GLIS1: variants seen among roughly 807,000 people sequenced by gnomAD.
GLIS1 encodes the protein GLIS family zinc finger 1.
In GLIS1, 24 loss-of-function variants were observed where a neutral mutation model predicts 63.8. The ratio of observed to expected loss-of-function variants is 0.38; its 90% CI spans 0.27 to 0.53. The LOEUF is 0.53. Ranked by LOEUF, GLIS1 falls within the 20% of genes least tolerant of loss-of-function variation. GLIS1 has a pLI of 0.85. For missense variants in GLIS1, 1,036 were observed against 1,074.1 expected, an observed-to-expected ratio of 0.96 and a Z score of 0.50; for synonymous variants, 450 against 482.5, an observed-to-expected ratio of 0.93 and a Z score of 0.88.
intron 2 of GLIS1, among the ~76,000 whole-genome samples, chr1:53,695,099 G>T (rs1262112898): frequency 6.6e-6 from 1 of 151,824 alleles, no homozygotes; most frequent in Admixed American, 6.6e-5. Context: ...AAAGCCCTGT[G>T]TGTGTAACGA....
chr1:53,652,293 G>A (rs1271510195), intron 2 of GLIS1, among the ~76,000 whole-genome samples: 2 of 152,106 alleles, frequency 1.3e-5, no homozygotes. Flanking sequence ...AGTTGGCCGC[G>A]GCTCTCAGTG....
At chr1:53,673,647 CAG>C (rs1646179434) in intron 2 of GLIS1, among the ~76,000 whole-genome samples, 1 of 152,248 alleles carries the variant, frequency 6.6e-6, no homozygotes, top group African/African-American at 2.4e-5. Context: ...GGGCCTGAGA[CAG>C]AACAGCACTG....
In GLIS1 at chr1:53,639,041, C is replaced by G. The variant is rs1645757392; in HGVS notation, c.260-38763G>C. Among the ~76,000 whole-genome samples, 2 of 152,270 alleles carry G rather than the reference C, an allele frequency of 1.3e-5. No homozygotes were observed. The highest frequency in any genetic ancestry group is 4.1e-4 in the South Asian group (2 of 4,824). ...TTCTCAGAGTGGTTGACAGCACCGG[C>G]CCCTGAATCAAAGGATTGAAACTAG... is the stretch of plus-strand genomic sequence containing the variant. On this transcript the variant is annotated intron_variant, in intron 2 of 10. Coordinates refer to ENST00000628545, the MANE Select transcript of GLIS1 (RefSeq NM_001367484.1). This position sits in a 1 kb window ranked among gnomAD's most constrained non-coding sequence, Gnocchi z 4.6.
intron 2 of GLIS1, among the ~76,000 whole-genome samples, chr1:53,613,671 G>T (rs1337728960): frequency 6.6e-6 from 1 of 150,750 alleles, no homozygotes; most frequent in African/African-American, 2.4e-5. Context: ...TTCAGTTAAT[G>T]TGTGGGAAAA....
Position 53,703,200 on chromosome 1 carries a change from C to T in GLIS1, c.259+34606G>A, listed in dbSNP as rs561598005. ...TTCTATGCATTTTCTATGTGTTAAC[C>T]CCACTTTATTTTCACCACCACTCTA... On this transcript the variant is annotated intron_variant, in intron 2 of 10. Coordinates refer to ENST00000628545, the MANE Select transcript of GLIS1 (RefSeq NM_001367484.1). Among the ~76,000 whole-genome samples, 10 of 152,276 alleles carry T rather than the reference C, an allele frequency of 6.6e-5. No individual in the cohort carries two copies. In the South Asian group the frequency reaches 1.2e-3, roughly 19 times the overall value.
At chr1:53,738,508 C>G (rs1056505622) in intron 1 of GLIS1, among the ~76,000 whole-genome samples, 1 of 152,156 alleles carries the variant, frequency 6.6e-6, no homozygotes, top group Admixed American at 6.5e-5. Flanking sequence ...AGGGCTCGGG[C>G]GAAGCCCCGG....
chr1:53,630,286 A>C (rs1436460763), intron 2 of GLIS1, among the ~76,000 whole-genome samples: 1 of 152,132 alleles, frequency 6.6e-6, no homozygotes, highest in East Asian at 1.9e-4. Context: ...TTTTTTTGCC[A>C]TTATAAATAA....
intron 4 of GLIS1, among the ~76,000 whole-genome samples, chr1:53,547,158 A>C (rs1381907633): frequency 6.6e-6 from 1 of 152,222 alleles, no homozygotes; most frequent in Non-Finnish European, 1.5e-5. Flanking sequence ...TCTGAGTTGA[A>C]AGGGATGTTA....
intron 2 of GLIS1, among the ~76,000 whole-genome samples, chr1:53,619,811 C>T (rs1345741872): frequency 6.6e-6 from 1 of 152,206 alleles, no homozygotes; most frequent in Non-Finnish European, 1.5e-5. Flanking sequence ...AAAAGATAAT[C>T]TTGTTTTACA....
At chr1:53,642,589 C>A (rs1488845713) in intron 2 of GLIS1, among the ~76,000 whole-genome samples, 1 of 152,194 alleles carries the variant, frequency 6.6e-6, no homozygotes, top group Non-Finnish European at 1.5e-5. Flanking sequence ...GCTACCTCCT[C>A]CAGGAAGCCT....
At chr1:53,700,796 C>T (rs1646515580) in intron 2 of GLIS1, among the ~76,000 whole-genome samples, 2 of 152,182 alleles carry the variant, frequency 1.3e-5, no homozygotes, top group African/African-American at 4.8e-5. Context: ...TCCTCCCAGC[C>T]CCTGGCAACA....
chr1:53,564,415 C>T (rs1432817028), intron 4 of GLIS1, among the ~76,000 whole-genome samples: 1 of 151,526 alleles, frequency 6.6e-6, no homozygotes, highest in East Asian at 1.9e-4. Context: ...AACATGGAAG[C>T]AAAAAAGGAA....
intron 2 of GLIS1, among the ~76,000 whole-genome samples, chr1:53,641,131 G>A (rs1288838047): frequency 6.6e-6 from 1 of 152,112 alleles, no homozygotes; most frequent in East Asian, 1.9e-4. Flanking sequence ...GGGACCACGG[G>A]GCAGGGTCTG....
intron 9 of GLIS1, 38 bp downstream of exon 9, chr1:53,509,811 G>A (rs752344408): frequency 8.2e-7 from 1 of 1,221,410 alleles, no homozygotes; most frequent in African/African-American, 1.5e-5. Context: ...AGTGGGAATT[G>A]GGGGGTTATA....
intron 5 of GLIS1, among the ~76,000 whole-genome samples, chr1:53,529,434 C>G (rs1054566111): frequency 1.3e-5 from 2 of 152,212 alleles, no homozygotes; most frequent in African/African-American, 4.8e-5. Context: ...CGAATGTGCT[C>G]TCTCCATGAG....
intron 4 of GLIS1, among the ~76,000 whole-genome samples, chr1:53,571,331 G>A (rs1452041177): frequency 2.6e-5 from 4 of 152,166 alleles, no homozygotes. Flanking sequence ...AAACAAGCCG[G>A]CATTTTCATA....
chr1:53,571,000 C>T (rs1200830774), intron 4 of GLIS1, among the ~76,000 whole-genome samples: 1 of 151,970 alleles, frequency 6.6e-6, no homozygotes, highest in African/African-American at 2.4e-5. Flanking sequence ...AAAAAAAATA[C>T]CATCAGGAAA....
intron 3 of GLIS1, 22 bp from the exon 4 acceptor site, chr1:53,595,012 G>C: frequency 2.1e-6 from 3 of 1,407,678 alleles, no homozygotes; most frequent in Non-Finnish European, 2.8e-6. Flanking sequence ...TGCCCAGAGA[G>C]GTCATGAGAG....
At chr1:53,586,723 C>T (rs1391566941) in intron 4 of GLIS1, among the ~76,000 whole-genome samples, 2 of 152,200 alleles carry the variant, frequency 1.3e-5, no homozygotes, top group Non-Finnish European at 2.9e-5. Flanking sequence ...AGAAAAACTT[C>T]AAGCACCAGA....
Sources: gnomAD v4.1 joint callset for allele counts (sites outside exome capture counted in the v4.1 genomes callset) on GRCh38, gnomAD v4.1.1 for gene constraint, Gnocchi (gnomAD v3.1) non-coding constraint, MANE v1.5 for transcripts, NCBI Gene and HGNC (gene_info 2026-07-23, HGNC 2026-07-21) for gene names.